The following KCMF1 variants were observed in gnomAD, a reference collection of about 807,000 sequenced individuals.
KCMF1 encodes E3 ubiquitin-protein ligase KCMF1.
A neutral mutation model predicts 41.1 loss-of-function variants in KCMF1; 3 were observed. The observed-to-expected ratio is 0.07, with a 90% confidence interval of 0.03 to 0.19. The LOEUF (loss-of-function observed/expected upper bound fraction) is 0.19. Ranked by LOEUF, KCMF1 falls within the 10% of genes least tolerant of loss-of-function variation. The pLI is 1.00. For synonymous variants in KCMF1, 142 were observed against 164.5 expected, an observed-to-expected ratio of 0.86 and a Z score of 1.04; for missense variants, 286 against 488.9, an observed-to-expected ratio of 0.58 and a Z score of 3.91.
rs1675893993 is a variant in KCMF1 at position 85,054,939 on chromosome 2, A to G, written c.*1530A>G. 6.6e-6 allele frequency: 1 copy of G among 152,220 alleles called. No individual in the cohort carries two copies. The highest frequency in any genetic ancestry group is 1.5e-5 in the Non-Finnish European group (1 of 68,038). 9.4% of individuals were successfully genotyped at this position (152,220 alleles called of 1,614,324 possible). ...TCCGAGAACTGTGAAGTCCATGTTC[A>G]TCCAAATGTAACCAAAAAAGAAGTC... On this transcript the variant is annotated 3_prime_UTR_variant, in exon 7 of 7. Transcript: ENST00000409785.
At chr2:85,013,680 C>A (rs2104007590) in intron 1 of KCMF1, among the ~76,000 whole-genome samples, 1 of 152,124 alleles carries the variant, frequency 6.6e-6, no homozygotes, top group East Asian at 1.9e-4. Context: ...CACTTGTAAT[C>A]CCAGCTACTC....
chr2:84,987,551 T>C (rs1485149365), intron 1 of KCMF1, among the ~76,000 whole-genome samples: 1 of 152,134 alleles, frequency 6.6e-6, no homozygotes, highest in Non-Finnish European at 1.5e-5. Context: ...AAATTGGGCA[T>C]CTAGGAGGGG....
intron 1 of KCMF1, among the ~76,000 whole-genome samples, chr2:85,009,128 T>C (rs1389398420): frequency 6.6e-6 from 1 of 152,166 alleles, no homozygotes; most frequent in Non-Finnish European, 1.5e-5. Context: ...TGGGAGGTGA[T>C]TGAATCATGG....
At chr2:84,999,202 G>T (rs773609301) in intron 1 of KCMF1, among the ~76,000 whole-genome samples, 3 of 152,198 alleles carry the variant, frequency 2.0e-5, no homozygotes, top group East Asian at 1.9e-4. Context: ...CCAGGCTGGA[G>T]TGCAGTGGCG....
intron 1 of KCMF1, among the ~76,000 whole-genome samples, chr2:84,985,130 G>A (rs997762223): frequency 6.6e-6 from 1 of 152,138 alleles, no homozygotes; most frequent in Non-Finnish European, 1.5e-5. Flanking sequence ...CCTGAAATTG[G>A]AATGTTCTTG....
rs1476142152 is a variant in KCMF1 at position 85,059,225 on chromosome 2, T to C, written c.*5816T>C. 6.6e-6 allele frequency: 1 copy of C among 152,222 alleles called. No homozygotes were observed. The highest frequency in any genetic ancestry group is 1.5e-5 in the Non-Finnish European group (1 of 68,040). The allele number at this position is 152,222 out of a possible 1,614,324, so 9.4% of individuals were successfully genotyped here. A position where few individuals can be genotyped will look rare whatever the true frequency, so the allele number is the denominator to read the frequency against. On this transcript the variant is annotated 3_prime_UTR_variant, in exon 7 of 7. Transcript: ENST00000409785. Reference sequence around the variant, plus strand: ...AAAGTCCATTTTTAAATATATAGTATGCTAATTAGCAGTGTCTGTTGAATT... The same window carrying C: ...AAAGTCCATTTTTAAATATATAGTACGCTAATTAGCAGTGTCTGTTGAATT...
intron 3 of KCMF1, among the ~76,000 whole-genome samples, chr2:85,038,080 CAT>C (rs1190352421): frequency 1.3e-5 from 2 of 152,170 alleles, no homozygotes; most frequent in East Asian, 3.8e-4. Context: ...AAAAGTAAAA[CAT>C]AATTGCTTTT....
Position 84,971,329 on chromosome 2 carries a change from C to A in KCMF1, c.-123C>A. The A allele has an allele frequency of 2.5e-6, 1 of 396,264 alleles. No homozygotes were observed. The highest frequency in any genetic ancestry group is 1.4e-4 in the East Asian group (1 of 7,164). The allele number at this position is 396,264 out of a possible 1,614,324, so 24.5% of individuals were successfully genotyped here. On this transcript the variant is annotated 5_prime_UTR_variant, in exon 1 of 7. Transcript: ENST00000409785. The stretch of plus-strand genomic sequence containing the variant: ...GGGAGCGCTCCCCTGCCCACCCCGC[C>A]CCCGCGGCCGAGCCCGGGAGTCGAG...
chr2:84,976,988 T>C (rs1324843535), intron 1 of KCMF1, among the ~76,000 whole-genome samples: 1 of 152,132 alleles, frequency 6.6e-6, no homozygotes, highest in Non-Finnish European at 1.5e-5. Flanking sequence ...CTTTTCTTAG[T>C]AGATTCTAAT....
chr2:84,976,413 C>T (rs953827072), intron 1 of KCMF1, among the ~76,000 whole-genome samples: 2 of 151,900 alleles, frequency 1.3e-5, no homozygotes, highest in Non-Finnish European at 2.9e-5. Flanking sequence ...ACCATGTTGG[C>T]CAGGCTGGTC....
At chr2:85,047,201 C>G (rs534006879) in intron 5 of KCMF1, among the ~76,000 whole-genome samples, 45 of 152,080 alleles carry the variant, frequency 3.0e-4, no homozygotes, top group African/African-American at 9.6e-4. Context: ...TCTATTGAAG[C>G]CCAAGGAAAT....
At chr2:84,973,778 C>T (rs997374069) in intron 1 of KCMF1, among the ~76,000 whole-genome samples, 1 of 151,432 alleles carries the variant, frequency 6.6e-6, no homozygotes, top group Non-Finnish European at 1.5e-5. Context: ...CAAAGAATCC[C>T]ATTTCTTTCA....
At chr2:85,011,691 T>A (rs1674656324) in intron 1 of KCMF1, among the ~76,000 whole-genome samples, 1 of 151,770 alleles carries the variant, frequency 6.6e-6, no homozygotes, top group Non-Finnish European at 1.5e-5. Flanking sequence ...CTCTTCCCAT[T>A]TTTTTTTGTC....
chr2:85,025,936 G>T (rs11896509), intron 1 of KCMF1, among the ~76,000 whole-genome samples: 18,340 of 152,040 alleles, frequency 0.12, 1,537 homozygotes, highest in East Asian at 0.35. Context: ...TAAACAAGCA[G>T]ATCACATGTG....
At chr2:85,022,719 A>G (rs1674975206) in intron 1 of KCMF1, among the ~76,000 whole-genome samples, 1 of 152,156 alleles carries the variant, frequency 6.6e-6, no homozygotes, top group Non-Finnish European at 1.5e-5. Context: ...AAAACGTTGC[A>G]TTTCAAGATC....
chr2:84,999,353 A>G (rs1249645162), intron 1 of KCMF1, among the ~76,000 whole-genome samples: 1 of 151,916 alleles, frequency 6.6e-6, no homozygotes, highest in Non-Finnish European at 1.5e-5. Context: ...CGGTTTCACC[A>G]TGTTGGCCAG....
At position 85,009,481 on chromosome 2, in the gene KCMF1, C is replaced by T. The variant is rs1256920903; in HGVS notation, c.17-18408C>T. On this transcript the variant is annotated intron_variant, in intron 1 of 6. Coordinates refer to ENST00000409785, the MANE Select transcript of KCMF1 (RefSeq NM_020122.5). Reference sequence around the variant, plus strand: ...TGTACAGATGCCCTTTCAGTGAGGTCGTGCTGTACAGGGGCTCTTTCAGCC... The same window carrying T: ...TGTACAGATGCCCTTTCAGTGAGGTTGTGCTGTACAGGGGCTCTTTCAGCC... Among the ~76,000 whole-genome samples the T allele has an allele frequency of 2.0e-5, 3 of 152,270 alleles. No individual in the cohort carries two copies. The South Asian group carries it at 6.2e-4, about 32-fold the overall frequency.
At chr2:84,971,959 A>C (rs892185518) in intron 1 of KCMF1, 1 of 151,942 alleles carries the variant, frequency 6.6e-6, no homozygotes, top group African/African-American at 2.4e-5. Flanking sequence ...CCGGGAGACG[A>C]CGGCGAGTGT....
At chr2:85,044,555 T>C (rs574686350) in intron 4 of KCMF1, among the ~76,000 whole-genome samples, 2 of 152,260 alleles carry the variant, frequency 1.3e-5, no homozygotes, top group African/African-American at 4.8e-5. Context: ...TTTGTATTTT[T>C]AGTAGAGATG....
Sources: allele counts gnomAD v4.1 joint callset (sites outside exome capture counted in the v4.1 genomes callset), GRCh38; gene constraint gnomAD v4.1.1; transcripts MANE v1.5; gene names NCBI Gene and HGNC (gene_info 2026-07-23, HGNC 2026-07-21).